The following UHMK1 variants were observed in gnomAD, a reference collection of about 807,000 sequenced individuals.
UHMK1 encodes the protein serine/threonine-protein kinase Kist.
In UHMK1, 18 loss-of-function variants were observed where a neutral mutation model predicts 44.0. That is an observed-to-expected ratio of 0.41 (90% CI 0.28 to 0.61). The LOEUF (loss-of-function observed/expected upper bound fraction) is 0.61. Ranked by LOEUF, UHMK1 falls within the 20% of genes least tolerant of loss-of-function variation. UHMK1 has a pLI of 0.31. For synonymous variants in UHMK1, 231 were observed against 198.5 expected (o/e 1.16, Z -1.38); for missense variants, 463 against 522.5 (o/e 0.89, Z 1.11).
rs752798249 is a variant in UHMK1, at chr1:162,512,550, G to A, written c.899G>A (p.Cys300Tyr). 9.3e-6 allele frequency: 15 copies of A among 1,612,868 alleles called. 1 individual carries two copies. In the South Asian group the frequency reaches 1.4e-4, roughly 15 times the overall value. The change falls in exon 5 of 8, where the codon TGC (cysteine) becomes TAC (tyrosine). Residue 300 changes from cysteine to tyrosine, a missense_variant. Physicochemically the swap from Cys to Tyr is radical, Grantham distance 194. Around this residue, in one of 3 missense-constraint regions of UHMK1, gnomAD observed 264 missense variants for 326.3 expected, o/e 0.81. Transcript: ENST00000489294. ...AGAATTCCTGCTGAAATGGCATTGT[G>A]CAGCCCATTCTTTAGCATTCCTTTT... ...SRRIPAEMALCSPFFSIPFAP... is the reference protein window; with the variant it reads ...SRRIPAEMALYSPFFSIPFAP...
chr1:162,521,458 G>A (rs1199354767), intron 7 of UHMK1, among the ~76,000 whole-genome samples: 1 of 151,906 alleles, frequency 6.6e-6, no homozygotes, highest in African/African-American at 2.4e-5. Context: ...CCTTTTTGGG[G>A]TGGGGTCAGG....
At chr1:162,504,205 C>A (rs1651383216) in intron 4 of UHMK1, among the ~76,000 whole-genome samples, 1 of 152,098 alleles carries the variant, frequency 6.6e-6, no homozygotes, top group African/African-American at 2.4e-5. Context: ...ACCCAAAAAC[C>A]ATTTCGAATA....
intron 4 of UHMK1, 36 bp downstream of exon 4, chr1:162,503,884 A>G: frequency 2.0e-6 from 3 of 1,520,698 alleles, no homozygotes; most frequent in Non-Finnish European, 2.7e-6. Flanking sequence ...CTTTGCATTC[A>G]TGTACTATGT....
chr1:162,516,975 C>G (rs77000042), intron 6 of UHMK1, among the ~76,000 whole-genome samples: 3,024 of 152,338 alleles, frequency 0.02, 112 homozygotes, highest in African/African-American at 0.067. Flanking sequence ...TTTGACCCAG[C>G]ATTTCTATTT....
intron 3 of UHMK1, among the ~76,000 whole-genome samples, chr1:162,501,314 C>T (rs983063276): frequency 5.3e-5 from 8 of 152,098 alleles, no homozygotes; most frequent in African/African-American, 1.9e-4. Flanking sequence ...GGATTACAGG[C>T]GCCAGCCACC....
chr1:162,501,008 T>C lies in UHMK1; in HGVS notation c.657T>C (p.Cys219=), dbSNP rs374950535. ...AQAGLQSDTE[C]TSAVDLWSLG... The stretch of plus-strand genomic sequence containing the variant: ...CTGGCCTGCAGAGTGATACAGAATG[T>C]ACCTCAGCTGTTGATCTGTGGAGCC... The change falls in exon 3 of 8, where the codon TGT becomes TGC. Residue 219 remains cysteine, a synonymous_variant. Coordinates refer to ENST00000489294, the MANE Select transcript of UHMK1 (RefSeq NM_175866.5). 6.2e-6 allele frequency: 10 copies of C among 1,613,976 alleles called. No individual in the cohort carries two copies. The African/African-American group carries it at 8.0e-5, about 13-fold the overall frequency.
intron 2 of UHMK1, chr1:162,500,673 A>G (rs1029865721): frequency 1.0e-5 from 5 of 487,866 alleles, no homozygotes; most frequent in African/African-American, 9.6e-5. Flanking sequence ...AGCAGTGCCT[A>G]ATAGGTAAGA....
Position 162,500,072 on chromosome 1 carries a change from G to T in UHMK1, c.386G>T (p.Gly129Val), listed in dbSNP as rs756998113. The part of the protein sequence containing the change: ...SELLLYSSHQ[G>V]CSMWMIQHCA... Reference sequence around the variant, plus strand: ...TTGCTCTTATATTCCAGTCACCAGGGTTGTTCCATGTGGATGATACAGCAT... The same window carrying T: ...TTGCTCTTATATTCCAGTCACCAGGTTTGTTCCATGTGGATGATACAGCAT... The change falls in exon 2 of 8, where the codon GGT becomes GTT. Residue 129 changes from glycine (G) to valine (V), a missense_variant. Physicochemically the swap from Gly to Val is moderately radical, Grantham distance 109. Around this residue, in one of 3 missense-constraint regions of UHMK1, gnomAD observed 191 missense variants for 176.0 expected, o/e 1.09. Transcript: ENST00000489294. 6.8e-6 allele frequency: 11 copies of T among 1,614,050 alleles called. No homozygotes were observed. The highest frequency in any genetic ancestry group is 9.3e-6 in the Non-Finnish European group (11 of 1,180,050).
At chr1:162,516,419 A>G (rs770983137) in intron 6 of UHMK1, among the ~76,000 whole-genome samples, 7 of 152,204 alleles carry the variant, frequency 4.6e-5, no homozygotes, top group Non-Finnish European at 1.0e-4. Context: ...AAAATACTAA[A>G]ACAAGGGAAT....
chr1:162,512,340 TTAC>T (rs1651695959), intron 4 of UHMK1, among the ~76,000 whole-genome samples, 157 bp from the exon 5 acceptor site: 1 of 152,126 alleles, frequency 6.6e-6, no homozygotes, highest in Admixed American at 6.6e-5. Context: ...ACTAAACCAT[TTAC>T]TAATAAATAG....
intron 5 of UHMK1, 45 bp from the exon 6 acceptor site, chr1:162,512,679 AT>A: frequency 6.2e-7 from 1 of 1,609,252 alleles, no homozygotes; most frequent in Non-Finnish European, 8.5e-7. Context: ...TGTTCAACTT[AT>A]TTGGGGGGAT....
chr1:162,511,059 C>T (rs866751187), intron 4 of UHMK1, among the ~76,000 whole-genome samples: 116 of 152,146 alleles, frequency 7.6e-4, no homozygotes, highest in African/African-American at 2.6e-3. Context: ...GAGCATTTCT[C>T]ATATACTGTT....
At chr1:162,506,221 T>C (rs963182704) in intron 4 of UHMK1, among the ~76,000 whole-genome samples, 1 of 36,118 alleles carries the variant, frequency 2.8e-5, no homozygotes. Flanking sequence ...TTTTAAATAA[T>C]AGCCCCCCCC....
intron 6 of UHMK1, among the ~76,000 whole-genome samples, chr1:162,514,257 C>T (rs575571423): frequency 1.2e-4 from 18 of 151,202 alleles, no homozygotes; most frequent in Non-Finnish European, 2.5e-4. Flanking sequence ...CCACTGCACT[C>T]CAGCCTGGGC....
intron 6 of UHMK1, among the ~76,000 whole-genome samples, chr1:162,515,363 T>G (rs566361337): frequency 1.3e-5 from 2 of 152,338 alleles, no homozygotes; most frequent in East Asian, 3.9e-4. Context: ...TCTGTATATC[T>G]CTAAAGCTCT....
intron 6 of UHMK1, among the ~76,000 whole-genome samples, chr1:162,517,628 T>C (rs1222817210): frequency 6.6e-6 from 1 of 152,200 alleles, no homozygotes; most frequent in Non-Finnish European, 1.5e-5. Flanking sequence ...GGCTCACGCC[T>C]GTAATCCCAG....
chr1:162,500,848 C>G, intron 2 of UHMK1, 65 bp from the exon 3 acceptor site: 1 of 1,485,484 alleles, frequency 6.7e-7, no homozygotes, highest in Non-Finnish European at 9.1e-7. Context: ...AGTAAATTCA[C>G]TGTAGAGATG....
chr1:162,509,784 A>G (rs1019355450), intron 4 of UHMK1, among the ~76,000 whole-genome samples: 1 of 152,188 alleles, frequency 6.6e-6, no homozygotes, highest in African/African-American at 2.4e-5. Context: ...CTGGGACTAC[A>G]GGTGCACAGC....
Position 162,512,486 on chromosome 1 carries a change from T to C in UHMK1, c.849-14T>C. 2 of 1,593,612 alleles carry C rather than the reference T, an allele frequency of 1.3e-6. No homozygotes were observed. The highest frequency in any genetic ancestry group is 1.7e-6 in the Non-Finnish European group (2 of 1,173,482). ...TTCAGCAGAAATGATAAGGCACCTATTTTTGTGTTTTAGCATGCTTCATGA... is the reference window on the plus strand; with the variant it reads ...TTCAGCAGAAATGATAAGGCACCTACTTTTGTGTTTTAGCATGCTTCATGA... On this transcript the variant is annotated splice_polypyrimidine_tract_variant and intron_variant, in intron 4 of 7. Coordinates refer to ENST00000489294, the MANE Select transcript of UHMK1 (RefSeq NM_175866.5).
Sources: allele counts gnomAD v4.1 joint callset (sites outside exome capture counted in the v4.1 genomes callset), GRCh38; gene constraint gnomAD v4.1.1; regional missense constraint gnomAD v4.1.1; transcripts MANE v1.5; gene names NCBI Gene and HGNC (gene_info 2026-07-23, HGNC 2026-07-21).